Variants in CHEK2 observed in about 807,000 individuals in gnomAD.
CHEK2 encodes the protein serine/threonine-protein kinase Chk2.
Under a neutral mutation model 69.1 loss-of-function variants are expected in CHEK2, and 71 were observed. The observed-to-expected ratio is 1.03, with a 90% CI of 0.85 to 1.25. CHEK2 has a LOEUF of 1.25. CHEK2 is among the 50% of genes most tolerant of loss of function. The pLI is 0.00. For synonymous variants in CHEK2, 189 were observed against 226.9 expected (o/e 0.83, Z 1.50); for missense variants, 664 against 649.6 (o/e 1.02, Z -0.24).
chr22:28,696,984 G>A lies in CHEK2; in HGVS notation c.1012C>T (p.Leu338Phe), dbSNP rs587782441. The A allele has an allele frequency of 1.2e-6, 2 of 1,608,212 alleles. No homozygotes were observed. Among genetic ancestry groups the A allele is most frequent in the Non-Finnish European group, 1.7e-6 (2 of 1,174,804 alleles). ...FYQMLLAVQY[L>F]HENGIIHRDL... ...CGGTGTATAATACCGTTTTCATGAA[G>A]GTACTACACAGAAAGGCAGGCATGA... Residue 338 changes from leucine to phenylalanine, a missense_variant, in exon 10 of 15, where the codon CTT becomes TTT. Physicochemically the swap from Leu to Phe is conservative, Grantham distance 22. Transcript: ENST00000404276.
At chr22:28,692,386 G>T (rs918144878) in intron 13 of CHEK2, among the ~76,000 whole-genome samples, 10 of 152,192 alleles carry the variant, frequency 6.6e-5, no homozygotes, top group African/African-American at 2.4e-4. Flanking sequence ...AATCTGTGTG[G>T]TCTATTAAAT....
chr22:28,703,378 G>A, intron 8 of CHEK2, 127 bp downstream of exon 8: 1 of 647,522 alleles, frequency 1.5e-6, no homozygotes, highest in Non-Finnish European at 2.8e-6. Flanking sequence ...AGACTTTGTG[G>A]GCCCCACTAC....
chr22:28,695,894 G>A (rs1482815565), intron 10 of CHEK2, 21 bp from the exon 11 acceptor site: 1 of 1,586,134 alleles, frequency 6.3e-7, no homozygotes, highest in Non-Finnish European at 8.7e-7. Flanking sequence ...GTACAAAAGG[G>A]AATAATGTTG....
intron 6 of CHEK2, among the ~76,000 whole-genome samples, chr22:28,710,762 G>C (rs2053364611): frequency 1.3e-5 from 2 of 152,188 alleles, no homozygotes; most frequent in African/African-American, 4.8e-5. Context: ...AAGAAACCCA[G>C]ATGTTTAATT....
chr22:28,727,345 G>A (rs191501462), intron 2 of CHEK2, among the ~76,000 whole-genome samples: 206 of 152,136 alleles, frequency 1.4e-3, no homozygotes, highest in African/African-American at 4.8e-3. Flanking sequence ...CCGGCCTCCC[G>A]CTCAGCTTGT....
At position 28,733,016 on chromosome 22, in the gene CHEK2, T is replaced by C. The variant is rs1042695696; in HGVS notation, c.319+1387A>G. 2.0e-5 allele frequency among the ~76,000 whole-genome samples: 3 copies of C among 152,268 alleles called. 1 individual carries two copies. In the South Asian group the frequency reaches 6.2e-4, roughly 32 times the overall value. On this transcript the variant is annotated intron_variant, in intron 2 of 14. Transcript: ENST00000404276. The stretch of plus-strand genomic sequence containing the variant: ...CATGTTGCCCAAGCTGGTTTCGAAC[T>C]CCTGGCCTCAAGTGATCCTCCCGCT...
intron 5 of CHEK2, among the ~76,000 whole-genome samples, chr22:28,715,898 C>T (rs937516504): frequency 6.6e-6 from 1 of 151,186 alleles, no homozygotes; most frequent in African/African-American, 2.4e-5. Context: ...CATTGTCTCA[C>T]TCTATCGCCC....
chr22:28,691,112 A>C (rs1049342207), intron 13 of CHEK2, among the ~76,000 whole-genome samples: 1 of 152,234 alleles, frequency 6.6e-6, no homozygotes, highest in African/African-American at 2.4e-5. Context: ...TGTCACTCTC[A>C]AAAGTCCATC....
At chr22:28,707,830 C>CTTT (rs11453597) in intron 7 of CHEK2, among the ~76,000 whole-genome samples, 4,417 of 102,442 alleles carry the variant, frequency 0.043, 83 homozygotes, top group Non-Finnish European at 0.057. Context: ...TTGTGTTTAT[C>CTTT]TTTTTTTTTT....
intron 8 of CHEK2, among the ~76,000 whole-genome samples, chr22:28,700,139 T>C (rs1292550657): frequency 6.6e-6 from 1 of 152,120 alleles, no homozygotes; most frequent in Admixed American, 6.6e-5. Context: ...GATGAAAGGA[T>C]TGGGCATTGG....
intron 5 of CHEK2, among the ~76,000 whole-genome samples, chr22:28,713,636 G>A (rs6005844): frequency 0.02 from 3,113 of 151,924 alleles, 90 homozygotes; most frequent in East Asian, 0.14. Flanking sequence ...GATTACAGGC[G>A]TGAGCCACCG....
chr22:28,729,987 C>T (rs973429741), intron 2 of CHEK2, among the ~76,000 whole-genome samples: 13 of 151,436 alleles, frequency 8.6e-5, no homozygotes, highest in African/African-American at 3.2e-4. Flanking sequence ...CTACAGGCTC[C>T]TGCCACCACG....
chr22:28,709,985 G>A (rs2145931759), intron 7 of CHEK2, 21 bp downstream of exon 7: 3 of 1,235,588 alleles, frequency 2.4e-6, no homozygotes, highest in Non-Finnish European at 2.4e-6. Context: ...ATCTAAGTAT[G>A]AGTCATATAA....
chr22:28,699,795 TA>T (rs2145840467), intron 9 of CHEK2, 42 bp downstream of exon 9: 1 of 1,347,292 alleles, frequency 7.4e-7, no homozygotes, highest in Non-Finnish European at 1.1e-6. Context: ...GTAATTCAAC[TA>T]AAAGAAAGGC....
At chr22:28,721,522 G>A (rs1177684851) in intron 4 of CHEK2, 2 of 406,574 alleles carry the variant, frequency 4.9e-6, no homozygotes, top group Non-Finnish European at 1.0e-5. Flanking sequence ...CCTGACCTCA[G>A]GTGATCTGCC....
At chr22:28,728,273 CAG>C (rs1458644737) in intron 2 of CHEK2, among the ~76,000 whole-genome samples, 2 of 152,106 alleles carry the variant, frequency 1.3e-5, no homozygotes, top group Admixed American at 6.5e-5. Flanking sequence ...ACTGATCTGA[CAG>C]AAATAAAAAT....
rs17886616 is a variant in CHEK2, at chr22:28,703,385, C to G, written c.908+120G>C. ...CTATACACAGACTTTGTGGGCCCCA[C>G]TACTACATACATACGTTGAGGCCCC... On this transcript the variant is annotated intron_variant, in intron 8 of 14. Coordinates refer to ENST00000404276, the MANE Select transcript of CHEK2 (RefSeq NM_007194.4). The G allele has an allele frequency of 1.1e-3, 740 of 670,592 alleles. 2 individuals carry two copies. In the African/African-American group the frequency reaches 0.012, roughly 11 times the overall value. 41.5% of individuals were successfully genotyped at this position (670,592 alleles called of 1,614,324 possible).
intron 13 of CHEK2, among the ~76,000 whole-genome samples, chr22:28,690,229 T>A (rs1350564498): frequency 1.3e-5 from 2 of 152,192 alleles, no homozygotes; most frequent in Non-Finnish European, 2.9e-5. Flanking sequence ...TGGTGGCTCA[T>A]GCCTATAATC....
At chr22:28,737,097 C>T (rs1312494455) in intron 1 of CHEK2, among the ~76,000 whole-genome samples, 2 of 152,132 alleles carry the variant, frequency 1.3e-5, no homozygotes, top group African/African-American at 4.8e-5. Context: ...TCTAGGAGAA[C>T]ATAGGAAACA....
Sources: gnomAD v4.1 joint callset for allele counts (sites outside exome capture counted in the v4.1 genomes callset) on GRCh38, gnomAD v4.1.1 for gene constraint, MANE v1.5 for transcripts, NCBI Gene and HGNC (gene_info 2026-07-23, HGNC 2026-07-21) for gene names.